Variants in DOCK8 observed in about 807,000 individuals in gnomAD.
The protein encoded by DOCK8 is dedicator of cytokinesis protein 8.
Under a neutral mutation model 245.6 loss-of-function variants are expected in DOCK8, and 141 were observed. The ratio of observed to expected loss-of-function variants is 0.57; its 90% confidence interval spans 0.50 to 0.66. The LOEUF (loss-of-function observed/expected upper bound fraction) is 0.66, where lower values mean the gene tolerates loss of function less well. Among genes scored for constraint, DOCK8 ranks in the 30% least tolerant of loss-of-function variants. DOCK8 has a pLI of 0.00. For synonymous variants in DOCK8, 1,168 were observed against 970.2 expected (o/e 1.20, Z -3.79); for missense variants, 2,965 against 2,603.4 (o/e 1.14, Z -3.02).
rs754090358 is a variant in DOCK8, at chr9:215,054, G to T, written c.53+25G>T. The T allele has an allele frequency of 6.5e-5, 101 of 1,561,378 alleles. 2 individuals carry two copies. In the South Asian group the frequency reaches 1.1e-3, roughly 18 times the overall value. ...GGTAAGACGCCCCCCGCGGCGCGCA[G>T]GTTGCGGCCGGACAGCCCAGCGCTG... is the stretch of plus-strand genomic sequence containing the variant. On this transcript the variant is annotated intron_variant, in intron 1 of 47. Coordinates refer to ENST00000432829, the MANE Select transcript of DOCK8 (RefSeq NM_203447.4).
intron 18 of DOCK8, among the ~76,000 whole-genome samples, chr9:373,472 C>T (rs776969695): frequency 2.1e-4 from 32 of 152,082 alleles, no homozygotes; most frequent in South Asian, 1.2e-3. Flanking sequence ...ATATTTTTGA[C>T]GCTTGCTTTT....
chr9:244,805 G>A (rs184977560), intron 1 of DOCK8, among the ~76,000 whole-genome samples: 1 of 151,992 alleles, frequency 6.6e-6, no homozygotes, highest in African/African-American at 2.4e-5. Flanking sequence ...ACCATAGCTC[G>A]TGAAGGCCCT....
At chr9:308,259 C>T (rs945397509) in intron 5 of DOCK8, among the ~76,000 whole-genome samples, 6 of 152,186 alleles carry the variant, frequency 3.9e-5, no homozygotes, top group Admixed American at 3.9e-4. Flanking sequence ...ACACTAATTA[C>T]CCTGATTTGA....
intron 5 of DOCK8, among the ~76,000 whole-genome samples, chr9:306,469 G>A (rs975143334): frequency 5.9e-5 from 9 of 152,160 alleles, no homozygotes; most frequent in African/African-American, 1.2e-4. Context: ...TAGAAGCCAC[G>A]GTAGGTATTT....
At chr9:239,850 A>T (rs1250379151) in intron 1 of DOCK8, among the ~76,000 whole-genome samples, 1 of 152,200 alleles carries the variant, frequency 6.6e-6, no homozygotes, top group Non-Finnish European at 1.5e-5. Flanking sequence ...ACAACTTTTC[A>T]TGTCATTAAA....
intron 28 of DOCK8, among the ~76,000 whole-genome samples, chr9:413,200 A>G (rs1021138892): frequency 9.2e-5 from 14 of 152,208 alleles, no homozygotes; most frequent in African/African-American, 3.4e-4. Flanking sequence ...ACAACTGGGT[A>G]TCCACACTCA....
At chr9:403,935 T>TATATATATAC (rs2055267374) in intron 26 of DOCK8, among the ~76,000 whole-genome samples, 1 of 85,510 alleles carries the variant, frequency 1.2e-5, no homozygotes, top group African/African-American at 7.4e-5. Flanking sequence ...TATATGTGTA[T>TATATATATAC]ATATATATGT....
At chr9:345,977 T>G (rs2130973668) in intron 14 of DOCK8, among the ~76,000 whole-genome samples, 1 of 152,104 alleles carries the variant, frequency 6.6e-6, no homozygotes, top group Non-Finnish European at 1.5e-5. Flanking sequence ...GAGCCAGAAG[T>G]GCTCATCCCA....
At chr9:276,915 T>C in intron 2 of DOCK8, 1 of 266,908 alleles carries the variant, frequency 3.7e-6, no homozygotes, top group South Asian at 2.9e-5. Flanking sequence ...CTCAAGCGAT[T>C]CTCCTGCCTC....
At chr9:447,016 G>A (rs867556541) in intron 44 of DOCK8, among the ~76,000 whole-genome samples, 2 of 152,102 alleles carry the variant, frequency 1.3e-5, no homozygotes, top group Non-Finnish European at 2.9e-5. Context: ...GGACCTGCAC[G>A]TGGGCAGCCC....
chr9:386,254 T>G, intron 22 of DOCK8, 77 bp from the exon 23 acceptor site: 7 of 1,234,910 alleles, frequency 5.7e-6, no homozygotes, highest in African/African-American at 1.5e-5. Context: ...AAATGAATTC[T>G]GAGGTTGTGA....
intron 18 of DOCK8, among the ~76,000 whole-genome samples, chr9:374,544 C>T (rs1043778414): frequency 2.3e-5 from 3 of 130,242 alleles, no homozygotes; most frequent in Non-Finnish European, 4.7e-5. Context: ...TCACTGTAAT[C>T]TTGAACTCAT....
chr9:259,418 T>C (rs946227134), intron 1 of DOCK8, among the ~76,000 whole-genome samples: 3 of 152,228 alleles, frequency 2.0e-5, no homozygotes, highest in Non-Finnish European at 4.4e-5. Flanking sequence ...AATAATGTAC[T>C]TAGATTTAAA....
At chr9:407,230 A>C (rs1340756732) in intron 28 of DOCK8, among the ~76,000 whole-genome samples, 161 bp downstream of exon 28, 1 of 152,204 alleles carries the variant, frequency 6.6e-6, no homozygotes, top group Non-Finnish European at 1.5e-5. Flanking sequence ...ACCCATAAGC[A>C]CAAGGCACAA....
At chr9:229,349 T>A (rs1300566846) in intron 1 of DOCK8, among the ~76,000 whole-genome samples, 2 of 152,080 alleles carry the variant, frequency 1.3e-5, no homozygotes, top group Admixed American at 1.3e-4. Context: ...ACCAAGTGAG[T>A]CATGCTTTGT....
At chr9:230,299 A>G (rs1039535302) in intron 1 of DOCK8, among the ~76,000 whole-genome samples, 70 of 123,906 alleles carry the variant, frequency 5.6e-4, no homozygotes, top group African/African-American at 2.6e-3. Flanking sequence ...AATCCAGTCT[A>G]TCGTTGGGCA....
chr9:278,052 G>A (rs1563866060), intron 2 of DOCK8, among the ~76,000 whole-genome samples: 6 of 152,202 alleles, frequency 3.9e-5, no homozygotes, highest in African/African-American at 1.2e-4. Flanking sequence ...TGATTGCACT[G>A]GAAGGGACAT....
intron 1 of DOCK8, among the ~76,000 whole-genome samples, chr9:250,535 A>C (rs1364593759): frequency 6.6e-6 from 1 of 152,114 alleles, no homozygotes; most frequent in Non-Finnish European, 1.5e-5. Flanking sequence ...GGATTCCCCC[A>C]TGTTTTTTCT....
chr9:421,171 C>A, intron 32 of DOCK8, 93 bp downstream of exon 32: 1 of 1,534,764 alleles, frequency 6.5e-7, no homozygotes, highest in Non-Finnish European at 9.0e-7. Flanking sequence ...GACACCATTA[C>A]TTTCTTGAGA....
Sources: allele counts gnomAD v4.1 joint callset (sites outside exome capture counted in the v4.1 genomes callset), GRCh38; gene constraint gnomAD v4.1.1; transcripts MANE v1.5; gene names NCBI Gene and HGNC (gene_info 2026-07-23, HGNC 2026-07-21).